The following HHIPL2 variants were observed in gnomAD, a reference collection of about 807,000 sequenced individuals.
The protein encoded by HHIPL2 is HHIP like 2, also known as HHIP-like protein 2.
Under a neutral mutation model 61.0 loss-of-function variants are expected in HHIPL2, and 61 were observed. The ratio of observed to expected loss-of-function variants is 1.00; its 90% confidence interval spans 0.81 to 1.24. The LOEUF (loss-of-function observed/expected upper bound fraction) is 1.24, where lower values mean the gene tolerates loss of function less well. Ranked by LOEUF, HHIPL2 falls within the 50% of genes most tolerant of loss-of-function variation. HHIPL2 has a pLI of 0.00. For missense variants in HHIPL2, 885 were observed against 910.2 expected (o/e 0.97, Z 0.36); for synonymous variants, 343 against 357.4 (o/e 0.96, Z 0.45).
chr1:222,536,481 G>T (rs1246229403), intron 5 of HHIPL2, among the ~76,000 whole-genome samples: 1 of 152,110 alleles, frequency 6.6e-6, no homozygotes. Flanking sequence ...ATCTAATAAA[G>T]AAATTAAATT....
chr1:222,527,846 C>T (rs981516429), intron 6 of HHIPL2, among the ~76,000 whole-genome samples: 3 of 152,188 alleles, frequency 2.0e-5, no homozygotes, highest in African/African-American at 7.2e-5. Context: ...CATTTTCTCT[C>T]TTGTCTGCCA....
chr1:222,544,555 C>A (rs1244624612), intron 1 of HHIPL2, among the ~76,000 whole-genome samples: 1 of 152,090 alleles, frequency 6.6e-6, no homozygotes, highest in Non-Finnish European at 1.5e-5. Flanking sequence ...ATAGAAACGG[C>A]CTCACCATGT....
In HHIPL2 at chr1:222,523,682, T is replaced by G; in HGVS notation, c.1818A>C (p.Pro606=). 1 of 1,614,122 alleles carries G rather than the reference T, an allele frequency of 6.2e-7. No homozygotes were observed. The highest frequency in any genetic ancestry group is 1.1e-5 in the South Asian group (1 of 91,082). The change falls in exon 8 of 9, where the codon CCA becomes CCC. Residue 606 remains proline (P), a synonymous_variant. Transcript: ENST00000343410. ...GCACTGGCTTGTATTTGCACTTGCC[T>G]GGGGGTGCTCGCCTAAAAACACAAA... The part of the protein sequence containing the change: ...KFVDPSRRAP[P]GKCKYKPVPV...
At chr1:222,533,440 G>C (rs1659234877) in intron 5 of HHIPL2, among the ~76,000 whole-genome samples, 1 of 152,210 alleles carries the variant, frequency 6.6e-6, no homozygotes, top group South Asian at 2.1e-4. Flanking sequence ...GTGTATGGGG[G>C]CAGGGTGGTG....
intron 6 of HHIPL2, among the ~76,000 whole-genome samples, chr1:222,529,469 A>G (rs1659143644): frequency 6.6e-6 from 1 of 152,164 alleles, no homozygotes; most frequent in African/African-American, 2.4e-5. Context: ...AAAATTGAAA[A>G]CCATGCCTAT....
chr1:222,523,594 A>T lies in HHIPL2; in HGVS notation c.1888+18T>A. On this transcript the variant is annotated intron_variant, in intron 8 of 8. Transcript: ENST00000343410. ...CTCCACACCAAGGCCTGAGCCTAAG[A>T]CTCAAAGATGGACTCACTGGCGAGT... 1.9e-6 allele frequency: 3 copies of T among 1,611,486 alleles called. No individual in the cohort carries two copies. The highest frequency in any genetic ancestry group is 1.1e-5 in the South Asian group (1 of 91,034).
At position 222,543,623 on chromosome 1, in the gene HHIPL2, C is replaced by G. The variant is rs746594009; in HGVS notation, c.888G>C (p.Leu296=). 1 of 1,614,154 alleles carries G rather than the reference C, an allele frequency of 6.2e-7. No homozygotes were observed. The highest frequency in any genetic ancestry group is 8.5e-7 in the Non-Finnish European group (1 of 1,180,028). Residue 296 remains leucine, a synonymous_variant, in exon 2 of 9, where the codon CTG becomes CTC. Transcript: ENST00000343410. ...NRKFYIYYSC[L]DKKKVEKIRI... Reference sequence around the variant, plus strand: ...GGATCTTTTCTACCTTCTTCTTGTCCAGGCACGAATAATAAATATAGAACT... The same window carrying G: ...GGATCTTTTCTACCTTCTTCTTGTCGAGGCACGAATAATAAATATAGAACT...
intron 1 of HHIPL2, among the ~76,000 whole-genome samples, chr1:222,545,740 A>T (rs1353526675): frequency 6.6e-6 from 1 of 152,042 alleles, no homozygotes; most frequent in East Asian, 1.9e-4. Flanking sequence ...CAAAGCCCAT[A>T]AGGTCTCTAG....
intron 1 of HHIPL2, among the ~76,000 whole-genome samples, chr1:222,546,133 T>C (rs1659552410): frequency 6.6e-6 from 1 of 152,220 alleles, no homozygotes; most frequent in Non-Finnish European, 1.5e-5. Context: ...TTCTCTACAT[T>C]GATTGGGATG....
chr1:222,523,459 C>A (rs1023263222), intron 8 of HHIPL2, among the ~76,000 whole-genome samples, 153 bp downstream of exon 8: 1 of 152,150 alleles, frequency 6.6e-6, no homozygotes, highest in Non-Finnish European at 1.5e-5. Flanking sequence ...TCCTTACACT[C>A]ATAACTCCTC....
At chr1:222,540,941 C>A (rs61825520) in intron 3 of HHIPL2, among the ~76,000 whole-genome samples, 50,250 of 152,004 alleles carry the variant, frequency 0.33, 8,720 homozygotes, top group East Asian at 0.51. Context: ...GGCTGCTATT[C>A]TTTTTAATAT....
At chr1:222,526,898 T>TG in intron 7 of HHIPL2, 71 bp downstream of exon 7, 1 of 1,319,736 alleles carries the variant, frequency 7.6e-7, no homozygotes, top group Non-Finnish European at 1.1e-6. Flanking sequence ...ATGAGGACTG[T>TG]TTTTATGGCC....
chr1:222,547,721 T>G lies in HHIPL2; in HGVS notation c.321+3A>C. The G allele has an allele frequency of 6.2e-7, 1 of 1,608,778 alleles. No homozygotes were observed. The highest frequency in any genetic ancestry group is 1.1e-5 in the South Asian group (1 of 90,920). On this transcript the variant is annotated splice_donor_region_variant and intron_variant, in intron 1 of 8. Transcript: ENST00000343410. ...CCTGGGGCTGGAAGGCACTTTTCAC[T>G]ACCTGGCAAAGGATGTCTTTAATGT...
At chr1:222,526,936 T>C (rs1319489841) in intron 7 of HHIPL2, 33 bp downstream of exon 7, 1 of 1,549,606 alleles carries the variant, frequency 6.5e-7, no homozygotes, top group South Asian at 1.1e-5. Context: ...ATGAGAAAAA[T>C]GCATTTGAGA....
chr1:222,536,383 T>A (rs963590474), intron 5 of HHIPL2, among the ~76,000 whole-genome samples: 1 of 152,140 alleles, frequency 6.6e-6, no homozygotes, highest in African/African-American at 2.4e-5. Context: ...CCAAAACATT[T>A]GACAACGTAG....
intron 5 of HHIPL2, among the ~76,000 whole-genome samples, chr1:222,533,243 T>C (rs961541003): frequency 3.3e-5 from 5 of 151,898 alleles, no homozygotes; most frequent in African/African-American, 1.2e-4. Context: ...TGTGTGCCTG[T>C]AGTTCCAGCT....
chr1:222,540,476 T>C lies in HHIPL2; in HGVS notation c.1119-135A>G, dbSNP rs1659407813. On this transcript the variant is annotated intron_variant, in intron 3 of 8. Transcript: ENST00000343410. ...GGATCCCATGGGAAGATTTGACTTC[T>C]TATTTTCCTTCTTTTTTTGTACCCG... The C allele has an allele frequency of 9.0e-6, 6 of 669,338 alleles. 1 individual carries two copies. The African/African-American group carries it at 9.1e-5, about 10-fold the overall frequency. The allele number at this position is 669,338 out of a possible 1,614,324, so 41.5% of individuals were successfully genotyped here. A position where few individuals can be genotyped will look rare whatever the true frequency, so the allele number is the denominator to read the frequency against.
chr1:222,546,790 T>G (rs1175129678), intron 1 of HHIPL2, among the ~76,000 whole-genome samples: 1 of 152,188 alleles, frequency 6.6e-6, no homozygotes, highest in Non-Finnish European at 1.5e-5. Flanking sequence ...GTTAACCACT[T>G]CACGCCCTAT....
intron 6 of HHIPL2, among the ~76,000 whole-genome samples, chr1:222,528,631 C>T (rs1054424520): frequency 2.0e-5 from 3 of 151,950 alleles, no homozygotes; most frequent in Admixed American, 6.6e-5. Flanking sequence ...AGAAAGTGTT[C>T]GATAATCGTA....
Sources: allele counts gnomAD v4.1 joint callset (sites outside exome capture counted in the v4.1 genomes callset), GRCh38; gene constraint gnomAD v4.1.1; transcripts MANE v1.5; gene names NCBI Gene and HGNC (gene_info 2026-07-23, HGNC 2026-07-21).